The following RAB3IP variants were observed in gnomAD, a reference collection of about 807,000 sequenced individuals.
RAB3IP encodes the protein rab-3A-interacting protein.
Under a neutral mutation model 59.1 loss-of-function variants are expected in RAB3IP, and 36 were observed. The observed-to-expected ratio is 0.61, with a 90% CI of 0.47 to 0.80. The LOEUF is 0.80. Among genes scored for constraint, RAB3IP ranks in the 30% least tolerant of loss-of-function variants. RAB3IP has a pLI of 0.00. For missense variants in RAB3IP, 511 were observed against 536.0 expected (o/e 0.95, Z 0.46); for synonymous variants, 207 against 191.2 (o/e 1.08, Z -0.68).
intron 3 of RAB3IP, among the ~76,000 whole-genome samples, chr12:69,779,684 ATTT>A (rs34446445): frequency 1.4e-5 from 2 of 143,796 alleles, no homozygotes; most frequent in Non-Finnish European, 3.0e-5. Context: ...TAGCTAGGGA[ATTT>A]TTTTTTTTTT....
intron 8 of RAB3IP, chr12:69,812,550 T>G (rs1444399251): frequency 9.4e-6 from 4 of 425,156 alleles, no homozygotes; most frequent in Non-Finnish European, 1.7e-5. Context: ...GTTTCTAGAA[T>G]CATGGTTAAT....
In RAB3IP at chr12:69,758,817, C is replaced by T. The variant is rs12322041; in HGVS notation, c.510+2154C>T. ...CTTTTATTTTTGAATGATAGTTTAACGGGGCATACAATTCTAGGTTGATGG... is the reference window on the plus strand; with the variant it reads ...CTTTTATTTTTGAATGATAGTTTAATGGGGCATACAATTCTAGGTTGATGG... On this transcript the variant is annotated intron_variant, in intron 3 of 10. Coordinates refer to ENST00000247833, the MANE Select transcript of RAB3IP (RefSeq NM_022456.5). Among the ~76,000 whole-genome samples, 42 of 99,022 alleles carry T rather than the reference C, an allele frequency of 4.2e-4. 1 individual carries two copies. Among genetic ancestry groups the T allele is most frequent in the African/African-American group, 1.4e-3 (37 of 26,164 alleles). 65.0% of individuals were successfully genotyped at this position (99,022 alleles called of 152,430 possible).
intron 3 of RAB3IP, among the ~76,000 whole-genome samples, chr12:69,757,699 G>A (rs74101323): frequency 0.023 from 3,393 of 147,540 alleles, 127 homozygotes; most frequent in African/African-American, 0.078. Context: ...TCTCATGAGC[G>A]TAGTATATTC....
At chr12:69,768,144 A>G (rs529493109) in intron 3 of RAB3IP, among the ~76,000 whole-genome samples, 2 of 151,286 alleles carry the variant, frequency 1.3e-5, no homozygotes, top group South Asian at 4.2e-4. Context: ...CTGTACCGTG[A>G]TCTGCATCCA....
intron 3 of RAB3IP, among the ~76,000 whole-genome samples, chr12:69,784,457 TTA>T (rs909021643): frequency 6.7e-6 from 1 of 149,766 alleles, no homozygotes; most frequent in South Asian, 2.1e-4. Flanking sequence ...TATATATAGT[TTA>T]TATATATAAT....
chr12:69,746,774 A>G (rs1232291716), intron 1 of RAB3IP, among the ~76,000 whole-genome samples: 1 of 152,228 alleles, frequency 6.6e-6, no homozygotes, highest in Admixed American at 6.5e-5. Context: ...ATTATATGCT[A>G]TTGAAGTAGC....
At chr12:69,786,498 G>A (rs1458739760) in intron 4 of RAB3IP, among the ~76,000 whole-genome samples, 3 of 152,134 alleles carry the variant, frequency 2.0e-5, no homozygotes, top group African/African-American at 7.2e-5. Context: ...TAGAAGCTAT[G>A]TGACTTGTTA....
intron 2 of RAB3IP, 51 bp from the exon 3 acceptor site, chr12:69,756,354 C>T (rs1870208045): frequency 1.3e-6 from 2 of 1,586,178 alleles, no homozygotes; most frequent in Non-Finnish European, 8.6e-7. Flanking sequence ...TAAGCCAGTT[C>T]TATTGGAGCA....
rs192731526 is a variant in RAB3IP at position 69,744,419 on chromosome 12, G to C, written c.-26+5388G>C. 2.5e-3 allele frequency among the ~76,000 whole-genome samples: 375 copies of C among 152,122 alleles called. 1 individual carries two copies. Among genetic ancestry groups the C allele is most frequent in the Non-Finnish European group, 5.1e-3 (344 of 67,998 alleles). ...CTAACATCTCTACACATGTCAGGTTGTACATTGAAGTGTTGTGGAATTAGG... is the reference window on the plus strand; with the variant it reads ...CTAACATCTCTACACATGTCAGGTTCTACATTGAAGTGTTGTGGAATTAGG... On this transcript the variant is annotated intron_variant, in intron 1 of 10. Coordinates refer to ENST00000247833, the MANE Select transcript of RAB3IP (RefSeq NM_022456.5).
intron 8 of RAB3IP, among the ~76,000 whole-genome samples, chr12:69,811,038 A>G (rs1880368906): frequency 1.3e-5 from 2 of 152,204 alleles, no homozygotes; most frequent in African/African-American, 2.4e-5. Flanking sequence ...TACACCATGG[A>G]ATACTATACA....
intron 1 of RAB3IP, chr12:69,739,620 T>A (rs1478241170): frequency 1.7e-6 from 1 of 594,642 alleles, no homozygotes; most frequent in African/African-American, 1.9e-5. Context: ...CGGTGAAACC[T>A]GGTGGGAAAT....
chr12:69,781,978 G>A (rs1874794414), intron 3 of RAB3IP, among the ~76,000 whole-genome samples: 1 of 152,152 alleles, frequency 6.6e-6, no homozygotes, highest in Non-Finnish European at 1.5e-5. Flanking sequence ...TTCCCATTTT[G>A]CATTGTCACT....
intron 3 of RAB3IP, among the ~76,000 whole-genome samples, chr12:69,772,224 A>G (rs1873240510): frequency 6.6e-6 from 1 of 152,138 alleles, no homozygotes; most frequent in Admixed American, 6.5e-5. Flanking sequence ...ATATAAGTAT[A>G]GGTAGCTACT....
intron 4 of RAB3IP, among the ~76,000 whole-genome samples, chr12:69,792,240 C>T (rs1048813344): frequency 2.0e-5 from 3 of 151,934 alleles, no homozygotes; most frequent in Admixed American, 1.3e-4. Context: ...ATGTACAGCA[C>T]GACTATATCG....
chr12:69,754,297 AATGTCCTTGTAC>A (rs1869813735), intron 1 of RAB3IP, among the ~76,000 whole-genome samples: 1 of 151,776 alleles, frequency 6.6e-6, no homozygotes, highest in African/African-American at 2.4e-5. Context: ...GGTTAGATAG[AATGTCCTTGTAC>A]TTAGGATACA....
At chr12:69,813,526 T>TG (rs1880759313) in intron 10 of RAB3IP, among the ~76,000 whole-genome samples, 1 of 152,174 alleles carries the variant, frequency 6.6e-6, no homozygotes, top group African/African-American at 2.4e-5. Flanking sequence ...AAGATTGCCA[T>TG]ATTCTAAATC....
At chr12:69,795,462 G>C (rs1877299000) in intron 6 of RAB3IP, 118 bp downstream of exon 6, 1 of 762,742 alleles carries the variant, frequency 1.3e-6, no homozygotes, top group South Asian at 1.6e-5. Context: ...GCAGTATTAA[G>C]ATGGGGGAGG....
rs1247124327 is a variant in RAB3IP at position 69,779,369 on chromosome 12, C to T, written c.511-5351C>T. On this transcript the variant is annotated intron_variant, in intron 3 of 10. Coordinates refer to ENST00000247833, the MANE Select transcript of RAB3IP (RefSeq NM_022456.5). ...CTCAGATGGAAATGCAGAAATCACC[C>T]GTCTTCTGCGTCGCTCACGCTGGTA... 3.3e-5 allele frequency among the ~76,000 whole-genome samples: 5 copies of T among 151,024 alleles called. No homozygotes were observed. In the South Asian group the frequency reaches 1.1e-3, roughly 32 times the overall value.
chr12:69,808,962 T>A (rs551470942), intron 8 of RAB3IP, among the ~76,000 whole-genome samples: 38 of 152,094 alleles, frequency 2.5e-4, no homozygotes, highest in African/African-American at 8.7e-4. Context: ...CTGGTTATTT[T>A]GCTCATTAGT....
Sources: allele counts gnomAD v4.1 joint callset (sites outside exome capture counted in the v4.1 genomes callset), GRCh38; gene constraint gnomAD v4.1.1; transcripts MANE v1.5; gene names NCBI Gene and HGNC (gene_info 2026-07-23, HGNC 2026-07-21).